TNXB: variants seen among roughly 807,000 people sequenced by gnomAD.
The protein encoded by TNXB is tenascin-X.
A neutral mutation model predicts 340.5 loss-of-function variants in TNXB; 183 were observed. The ratio of observed to expected loss-of-function variants is 0.54; its 90% CI spans 0.48 to 0.61. TNXB has a LOEUF of 0.61. Ranked by LOEUF, TNXB falls within the 20% of genes least tolerant of loss-of-function variation. The probability of loss-of-function intolerance (pLI) is 0.00; values close to 1 mark genes in which losing one functional copy is unlikely to be tolerated. For synonymous variants in TNXB, 2,121 were observed against 2,314.5 expected (o/e 0.92, Z 2.40); for missense variants, 4,613 against 5,446.4 (o/e 0.85, Z 4.82).
rs773630477 is a variant in TNXB at position 32,046,230 on chromosome 6, G to C, written c.10551C>G (p.Leu3517=). Residue 3517 remains leucine (L), a synonymous_variant, in exon 31 of 44, where the codon CTC becomes CTG. Transcript: ENST00000644971. The surrounding 1 kb of genome is among the most constrained non-coding windows in gnomAD (Gnocchi z 6.9). The part of the protein sequence containing the change: ...LEPGKKYKFL[L]YGLLGGKRLG... ...GGCGCTTTCCCCCAAGGAGCCCGTA[G>C]AGCAGAAACTTGTATTTCTTGCCAG... 6.2e-7 allele frequency: 1 copy of C among 1,603,258 alleles called. No individual in the cohort carries two copies. The highest frequency in any genetic ancestry group is 1.1e-5 in the South Asian group (1 of 89,400).
In TNXB at chr6:32,070,389, C is replaced by G. The variant is rs1267217645; in HGVS notation, c.5016G>C (p.Gly1672=). The G allele has an allele frequency of 6.3e-7, 1 of 1,595,094 alleles. No homozygotes were observed. The highest frequency in any genetic ancestry group is 8.6e-7 in the Non-Finnish European group (1 of 1,168,896). Residue 1672 remains glycine (G), a synonymous_variant, in exon 14 of 44, where the codon GGG becomes GGC. Transcript: ENST00000644971. This position sits in a 1 kb window ranked among gnomAD's most constrained non-coding sequence, Gnocchi z 6.0. ...KTVARGDASP[G]APPRLGELWV... is the part of the protein sequence containing the mutation. ...ACAGCTCCCCAAGGCGGGGTGGGGC[C>G]CCTGGGCTGGCGTCACCTCGGGCAA...
rs1001849030 is a variant in TNXB at position 32,096,744 on chromosome 6, G to A, written c.1109C>T (p.Thr370Met). ...CCGGCAGTCCCTCGGACATGTCCGCGTGCTGCAGTCCTCGCCTGTGTACCC... is the reference window on the plus strand; with the variant it reads ...CCGGCAGTCCCTCGGACATGTCCGCATGCTGCAGTCCTCGCCTGTGTACCC... ...WPGYTGEDCS[T>M]RTCPRDCRGR... is the part of the protein sequence containing the mutation. Residue 370 changes from threonine (T) to methionine (M), a missense_variant, in exon 3 of 44, where the codon ACG becomes ATG. Around this residue, in one of 7 missense-constraint regions of TNXB, gnomAD observed 4,327 missense variants for 4,859.4 expected, o/e 0.89. Transcript: ENST00000644971. The A allele has an allele frequency of 2.2e-5, 34 of 1,549,092 alleles. No homozygotes were observed. The highest frequency in any genetic ancestry group is 2.9e-5 in the Non-Finnish European group (33 of 1,149,110).
At position 32,047,458 on chromosome 6, in the gene TNXB, C is replaced by T. The variant is rs1776964665; in HGVS notation, c.10324+276G>A. 6.6e-6 allele frequency among the ~76,000 whole-genome samples: 1 copy of T among 152,236 alleles called. No homozygotes were observed. The highest frequency in any genetic ancestry group is 1.5e-5 in the Non-Finnish European group (1 of 68,046). On this transcript the variant is annotated intron_variant, in intron 30 of 43. Coordinates refer to ENST00000644971, the MANE Select transcript of TNXB (RefSeq NM_001365276.2). This position sits in a 1 kb window ranked among gnomAD's most constrained non-coding sequence, Gnocchi z 6.2. The stretch of plus-strand genomic sequence containing the variant: ...GGTCCCGGGGATGAAGCGGCTTGTC[C>T]ATGGTCACCCTGGCAAAGGCTAGGA...
rs1489572645 is a variant in TNXB, at chr6:32,043,326, T to C, written c.11651-8A>G. 5.4e-6 allele frequency: 2 copies of C among 368,816 alleles called. No homozygotes were observed. The highest frequency in any genetic ancestry group is 8.3e-5 in the African/African-American group (1 of 12,098). The allele number at this position is 368,816 out of a possible 1,614,324, so 22.8% of individuals were successfully genotyped here. ...CCGCCTGCAGAGGCGGGGCTGGGAG[T>C]GTAGAGAGGGGCATCAAGGCCTGCC... On this transcript the variant is annotated splice_polypyrimidine_tract_variant and splice_region_variant and intron_variant, in intron 36 of 43. Coordinates refer to ENST00000644971, the MANE Select transcript of TNXB (RefSeq NM_001365276.2).
Position 32,070,479 on chromosome 6 carries a change from G to A in TNXB, c.4991-65C>T, listed in dbSNP as rs1778709335. The A allele has an allele frequency of 4.1e-6, 6 of 1,461,894 alleles. No homozygotes were observed. In the African/African-American group the frequency reaches 4.2e-5, roughly 10 times the overall value. The allele number at this position is 1,461,894 out of a possible 1,614,324, so 90.6% of individuals were successfully genotyped here. ...GACTCCTTGACTGCCTCCCTCTGGG[G>A]CTGGAAAAACCCAGAACTGCCCAAA... On this transcript the variant is annotated intron_variant, in intron 13 of 43. Transcript: ENST00000644971. The surrounding 1 kb of genome is among the most constrained non-coding windows in gnomAD (Gnocchi z 6.0).
chr6:32,082,047 T>C lies in TNXB; in HGVS notation c.3725A>G (p.Asp1242Gly). Residue 1242 changes from aspartate (D) to glycine (G), a missense_variant, in exon 9 of 44, where the codon GAT (aspartate) becomes GGT (glycine). Asp to Gly is a moderately conservative substitution (Grantham distance 94). Transcript: ENST00000644971. The surrounding 1 kb of genome is among the most constrained non-coding windows in gnomAD (Gnocchi z 5.0). ...TGGCTGCTACTCACCAGTGGTGCCA[T>C]CGGCCGTGAGGGGGCCATACCGCTT... Reference protein sequence around the residue: ...NKKRYGPLTADGTTAPERKEE... With the variant: ...NKKRYGPLTAGGTTAPERKEE... The C allele has an allele frequency of 6.2e-7, 1 of 1,603,736 alleles. No individual in the cohort carries two copies. The highest frequency in any genetic ancestry group is 8.5e-7 in the Non-Finnish European group (1 of 1,175,586).
In TNXB at chr6:32,074,226, T is replaced by C. The variant is rs920047815; in HGVS notation, c.4376-274A>G. 6.6e-6 allele frequency among the ~76,000 whole-genome samples: 1 copy of C among 152,138 alleles called. No individual in the cohort carries two copies. The highest frequency in any genetic ancestry group is 1.5e-5 in the Non-Finnish European group (1 of 68,024). On this transcript the variant is annotated intron_variant, in intron 11 of 43. Transcript: ENST00000644971. The surrounding 1 kb of genome is among the most constrained non-coding windows in gnomAD (Gnocchi z 5.5). Reference sequence around the variant, plus strand: ...TTTTTAGTGGAGACGGCATTTGCCATGTTGGCCAGGCTGGTCTCAAACCCC... The same window carrying C: ...TTTTTAGTGGAGACGGCATTTGCCACGTTGGCCAGGCTGGTCTCAAACCCC...
Position 32,096,765 on chromosome 6 carries a change from T to TAC in TNXB, c.1086_1087dup (p.Tyr363CysfsTer209). The TAC allele has an allele frequency of 6.4e-7, 1 of 1,561,070 alleles. No homozygotes were observed. Among genetic ancestry groups the TAC allele is most frequent in the Non-Finnish European group, 8.7e-7 (1 of 1,154,498 alleles). On this transcript the variant is annotated frameshift_variant, in exon 3 of 44. Transcript: ENST00000644971. LOFTEE classifies it high-confidence loss of function. Reference sequence around the variant, plus strand: ...CCGCGTGCTGCAGTCCTCGCCTGTGTACCCGGGCCAGCACACGCAGCGGCC... The same window carrying TAC: ...CCGCGTGCTGCAGTCCTCGCCTGTGTACACCCGGGCCAGCACACGCAGCGGCC...
intron 1 of TNXB, among the ~76,000 whole-genome samples, chr6:32,103,240 C>G (rs3117181): frequency 0.9 from 137,239 of 151,768 alleles, 62,227 homozygotes; most frequent in African/African-American, 0.97. Context: ...GGCGATCATG[C>G]TGAAACCCCG....
At chr6:32,050,696 G>A (rs1002733788) in intron 26 of TNXB, among the ~76,000 whole-genome samples, 10 of 152,166 alleles carry the variant, frequency 6.6e-5, no homozygotes, top group African/African-American at 2.2e-4. Flanking sequence ...CTCCTCCCGA[G>A]GCCAGAGCCT....
chr6:32,056,258 C>T lies in TNXB; in HGVS notation c.8144-84G>A. The T allele has an allele frequency of 2.0e-6, 3 of 1,481,108 alleles. No individual in the cohort carries two copies. The South Asian group carries it at 3.8e-5, about 19-fold the overall frequency. The allele number at this position is 1,481,108 out of a possible 1,614,324, so 91.7% of individuals were successfully genotyped here. A position where few individuals can be genotyped will look rare whatever the true frequency, so the allele number is the denominator to read the frequency against. ...AAGGGAAGGAGGGAGAAACCATGGC[C>T]ACTACTGGGTATGTGAGGTCATTTC... On this transcript the variant is annotated intron_variant, in intron 23 of 43. Transcript: ENST00000644971.
At position 32,045,120 on chromosome 6, in the gene TNXB, C is replaced by T. The variant is rs144423272; in HGVS notation, c.10813G>A (p.Asp3605Asn). 1.1e-4 allele frequency: 173 copies of T among 1,612,922 alleles called. No homozygotes were observed. The African/African-American group carries it at 1.7e-3, about 16-fold the overall frequency. Residue 3605 changes from aspartate (D) to asparagine (N), a missense_variant, in exon 32 of 44, where the codon GAC (aspartate) becomes AAC (asparagine). By Grantham distance (23) the Asp-to-Asn change is conservative. Transcript: ENST00000644971. The part of the protein sequence containing the change: ...GQPQALLVDG[D>N]QSKILISGLE... ...CCTGAGATGAGGATCTTGCTCTGGT[C>T]GCCGTCCACGAGCAAGGCCTGGGGC...
At chr6:32,092,466 C>T (rs1212131298) in intron 4 of TNXB, among the ~76,000 whole-genome samples, 1 of 152,142 alleles carries the variant, frequency 6.6e-6, no homozygotes. Context: ...TAGAGATAGG[C>T]TTCTAGGATG....
Position 32,089,370 on chromosome 6 carries a change from C to T in TNXB, c.2368G>A (p.Ala790Thr). Reference sequence around the variant, plus strand: ...ACCCGTGCTGTGAATGGGGGGCTCGCCCCCTCTGTCTGTGAGAGAGAGCAC... The same window carrying T: ...ACCCGTGCTGTGAATGGGGGGCTCGTCCCCTCTGTCTGTGAGAGAGAGCAC... Reference protein sequence around the residue: ...EIQFIPTTEGASPPFTARVPS... With the variant: ...EIQFIPTTEGTSPPFTARVPS... The change falls in exon 5 of 44, where the codon GCG (alanine) becomes ACG (threonine). Residue 790 changes from alanine to threonine, a missense_variant. Around this residue, in one of 7 missense-constraint regions of TNXB, gnomAD observed 4,327 missense variants for 4,859.4 expected, o/e 0.89. Coordinates refer to ENST00000644971, the MANE Select transcript of TNXB (RefSeq NM_001365276.2). This position sits in a 1 kb window ranked among gnomAD's most constrained non-coding sequence, Gnocchi z 6.2. 1 of 1,605,796 alleles carries T rather than the reference C, an allele frequency of 6.2e-7. No homozygotes were observed.
Position 32,079,489 on chromosome 6 carries a change from G to GTGA in TNXB, c.4043-125_4043-124insTCA. 1 of 811,360 alleles carries GTGA rather than the reference G, an allele frequency of 1.2e-6. No individual in the cohort carries two copies. The highest frequency in any genetic ancestry group is 1.9e-6 in the Non-Finnish European group (1 of 526,478). The allele number at this position is 811,360 out of a possible 1,614,324, so 50.3% of individuals were successfully genotyped here. On this transcript the variant is annotated intron_variant, in intron 10 of 43. Coordinates refer to ENST00000644971, the MANE Select transcript of TNXB (RefSeq NM_001365276.2). The surrounding 1 kb of genome is among the most constrained non-coding windows in gnomAD (Gnocchi z 7.1). ...TCTGTAGCCTTTGTATTTGCCATTC[G>GTGA]GTCACTCACGGATGGAGAAGGCTGA...
intron 18 of TNXB, 80 bp from the exon 19 acceptor site, chr6:32,065,197 A>G: frequency 1.5e-6 from 2 of 1,295,530 alleles, no homozygotes; most frequent in Non-Finnish European, 2.1e-6. Context: ...TTCAGGTCAG[A>G]AGGTGGGCCC....
At chr6:32,065,200 G>A (rs1778272204) in intron 18 of TNXB, 83 bp from the exon 19 acceptor site, 1 of 1,276,610 alleles carries the variant, frequency 7.8e-7, no homozygotes, top group Non-Finnish European at 1.1e-6. Flanking sequence ...AGGTCAGAAG[G>A]TGGGCCCAGT....
Position 32,047,903 on chromosome 6 carries a change from G to A in TNXB, c.10155C>T (p.Phe3385=). 3 of 1,612,712 alleles carry A rather than the reference G, an allele frequency of 1.9e-6. No homozygotes were observed. The highest frequency in any genetic ancestry group is 1.1e-5 in the South Asian group (1 of 91,046). ...WTVPEGEFDS[F]VVQYKDKDGR... ...CATCCTTATCCTTGTACTGGACCAC[G>A]AAGGAGTCGAATTCGCCCTCAGGGA... Residue 3385 remains phenylalanine (F), a synonymous_variant, in exon 30 of 44, where the codon TTC becomes TTT. Coordinates refer to ENST00000644971, the MANE Select transcript of TNXB (RefSeq NM_001365276.2). The surrounding 1 kb of genome is among the most constrained non-coding windows in gnomAD (Gnocchi z 6.2).
rs1286015153 is a variant in TNXB at position 32,061,526 on chromosome 6, C to T, written c.7363G>A (p.Val2455Met). The T allele has an allele frequency of 1.3e-5, 21 of 1,613,566 alleles. No individual in the cohort carries two copies. The highest frequency in any genetic ancestry group is 1.7e-5 in the Non-Finnish European group (20 of 1,179,858). Residue 2455 changes from valine to methionine, a missense_variant, in exon 21 of 44, where the codon GTG becomes ATG. This residue lies in a region of TNXB where 4,327 missense variants were observed against 4,859.4 expected (regional missense o/e 0.89). Coordinates refer to ENST00000644971, the MANE Select transcript of TNXB (RefSeq NM_001365276.2). The surrounding 1 kb of genome is among the most constrained non-coding windows in gnomAD (Gnocchi z 4.4). Reference protein sequence around the residue: ...YKDRDGRPQVVRVGGEESEVT... With the variant: ...YKDRDGRPQVMRVGGEESEVT... ...TCGCTCTCCTCGCCCCCAACACGCA[C>T]CACCTGGGGCCGCCCGTCCCTGTCC...
Sources: allele counts gnomAD v4.1 joint callset (sites outside exome capture counted in the v4.1 genomes callset), GRCh38; gene constraint gnomAD v4.1.1; regional missense constraint gnomAD v4.1.1; non-coding constraint Gnocchi (gnomAD v3.1); transcripts MANE v1.5; gene names NCBI Gene and HGNC (gene_info 2026-07-23, HGNC 2026-07-21).